PRKG1: variants seen among roughly 807,000 people sequenced by gnomAD.
The protein encoded by PRKG1 is protein kinase cGMP-dependent 1.
A neutral mutation model predicts 88.1 loss-of-function variants in PRKG1; 35 were observed. The ratio of observed to expected loss-of-function variants is 0.40; its 90% confidence interval spans 0.30 to 0.53. The LOEUF is 0.53. Among genes scored for constraint, PRKG1 ranks in the 20% least tolerant of loss-of-function variants. PRKG1 has a pLI of 0.59. For missense variants in PRKG1, 540 were observed against 839.8 expected (o/e 0.64, Z 4.41); for synonymous variants, 303 against 292.5 (o/e 1.04, Z -0.37).
chr10:51,073,259 G>T (rs1183354063), upstream of PRKG1, among the ~76,000 whole-genome samples: 1 of 152,096 alleles, frequency 6.6e-6, no homozygotes, highest in Non-Finnish European at 1.5e-5. Flanking sequence ...GGTAGAGGTG[G>T]GGGTGACTGC....
intron 2 of PRKG1, among the ~76,000 whole-genome samples, chr10:51,411,289 C>T (rs1480595459): frequency 2.6e-5 from 4 of 152,128 alleles, no homozygotes; most frequent in Non-Finnish European, 4.4e-5. Flanking sequence ...GCCTGAGCCA[C>T]GGCAAGTGGC....
intron 3 of PRKG1, chr10:51,695,393 T>A (rs1219178968): frequency 6.6e-6 from 1 of 152,164 alleles, no homozygotes; most frequent in African/African-American, 2.4e-5. Context: ...CCTTTTTCAT[T>A]AAAAACAAAA....
chr10:51,168,857 A>G (rs1397838339), intron 2 of PRKG1, among the ~76,000 whole-genome samples: 2 of 152,176 alleles, frequency 1.3e-5, no homozygotes, highest in African/African-American at 2.4e-5. Context: ...AGGCAAGTCA[A>G]TTCCATTGAA....
At chr10:51,955,747 G>T (rs1843287806) in intron 5 of PRKG1, among the ~76,000 whole-genome samples, 1 of 152,114 alleles carries the variant, frequency 6.6e-6, no homozygotes, top group Non-Finnish European at 1.5e-5. Context: ...GAATGACATA[G>T]AATTTGTTGG....
chr10:51,279,488 C>T (rs1314243869), intron 2 of PRKG1, among the ~76,000 whole-genome samples: 1 of 152,156 alleles, frequency 6.6e-6, no homozygotes, highest in African/African-American at 2.4e-5. Flanking sequence ...GTTAAAGTCT[C>T]CCATTATTAT....
At chr10:51,205,920 G>A (rs1838047116) in intron 2 of PRKG1, among the ~76,000 whole-genome samples, 1 of 152,030 alleles carries the variant, frequency 6.6e-6, no homozygotes, top group South Asian at 2.1e-4. Flanking sequence ...TACTTGTAAG[G>A]GTATACTAAG....
intron 4 of PRKG1, among the ~76,000 whole-genome samples, chr10:51,881,103 T>A (rs1841426854): frequency 6.6e-6 from 1 of 151,902 alleles, no homozygotes; most frequent in Non-Finnish European, 1.5e-5. Flanking sequence ...GCAGCATATG[T>A]GAAGATCCTG....
At chr10:52,093,577 T>C (rs1351787299) in intron 7 of PRKG1, among the ~76,000 whole-genome samples, 1 of 152,204 alleles carries the variant, frequency 6.6e-6, no homozygotes, top group Non-Finnish European at 1.5e-5. Context: ...TTGCCTCTAA[T>C]AATAGATGGA....
chr10:51,461,845 C>G (rs370293744), intron 2 of PRKG1, among the ~76,000 whole-genome samples: 1 of 152,166 alleles, frequency 6.6e-6, no homozygotes, highest in Non-Finnish European at 1.5e-5. Context: ...GGCTTTTCCC[C>G]GTAGGTTGCC....
chr10:52,244,003 C>G (rs1418769904), intron 9 of PRKG1, among the ~76,000 whole-genome samples: 1 of 152,024 alleles, frequency 6.6e-6, no homozygotes, highest in East Asian at 1.9e-4. Context: ...CTCAAATTCC[C>G]TGAAGAAGAG....
intron 2 of PRKG1, among the ~76,000 whole-genome samples, chr10:51,370,957 T>C (rs889578896): frequency 1.3e-5 from 2 of 152,248 alleles, no homozygotes; most frequent in South Asian, 2.1e-4. Context: ...TAATTTGTCC[T>C]ATAACTTTTT....
intron 1 of PRKG1, among the ~76,000 whole-genome samples, chr10:51,053,272 C>T (rs1218150420): frequency 6.6e-6 from 1 of 150,794 alleles, no homozygotes; most frequent in Admixed American, 6.6e-5. Context: ...AAACCATTTT[C>T]CACCGCCACC....
In PRKG1 at chr10:51,444,989, G is replaced by C. The variant is rs548522303; in HGVS notation, c.479-22734G>C. On this transcript the variant is annotated intron_variant, in intron 2 of 17. Coordinates refer to ENST00000373980, the MANE Select transcript of PRKG1 (RefSeq NM_006258.4). Reference sequence around the variant, plus strand: ...TCTTCACAGGGACAATGGTTAGAGAGTAAGAGGGATGTTACAGTGCTGTTC... The same window carrying C: ...TCTTCACAGGGACAATGGTTAGAGACTAAGAGGGATGTTACAGTGCTGTTC... Among the ~76,000 whole-genome samples, 179 of 152,052 alleles carry C rather than the reference G, an allele frequency of 1.2e-3. 3 individuals are homozygous for C. The Middle Eastern group carries it at 0.017, about 14-fold the overall frequency.
intron 3 of PRKG1, among the ~76,000 whole-genome samples, chr10:51,589,114 G>A (rs1564563340): frequency 6.6e-6 from 1 of 152,012 alleles, no homozygotes; most frequent in Non-Finnish European, 1.5e-5. Context: ...ATATTTTGTT[G>A]CTGAGTTGCT....
In PRKG1 at chr10:51,737,705, TTTTA is replaced by T. The variant is rs1009213697; in HGVS notation, c.593-66849_593-66846del. On this transcript the variant is annotated intron_variant, in intron 3 of 17. Coordinates refer to ENST00000373980, the MANE Select transcript of PRKG1 (RefSeq NM_006258.4). ...TGGTAGGGAGCCTAGGACTCTATAT[TTTTA>T]TTTATTTATTTATTTATTTATTTAT... Among the ~76,000 whole-genome samples the T allele has an allele frequency of 4.1e-4, 60 of 144,890 alleles. 1 individual carries two copies. Among genetic ancestry groups the T allele is most frequent in the Middle Eastern group, 3.5e-3 (1 of 282 alleles).
chr10:51,670,544 G>A (rs1053685110), intron 3 of PRKG1, among the ~76,000 whole-genome samples: 3 of 149,838 alleles, frequency 2.0e-5, no homozygotes, highest in South Asian at 4.2e-4. Flanking sequence ...AGACCATCCC[G>A]GCTAAAACGG....
intron 3 of PRKG1, among the ~76,000 whole-genome samples, chr10:51,692,522 C>T (rs755869057): frequency 7.9e-5 from 12 of 152,088 alleles, no homozygotes; most frequent in Non-Finnish European, 1.3e-4. Flanking sequence ...GGATTACAGG[C>T]ATGAGCCACC....
intron 2 of PRKG1, among the ~76,000 whole-genome samples, chr10:51,194,893 A>T (rs1164110512): frequency 1.3e-5 from 2 of 152,172 alleles, no homozygotes; most frequent in Non-Finnish European, 2.9e-5. Flanking sequence ...CTCTGGTGAC[A>T]ATGAAATCAC....
At chr10:51,070,020 T>C (rs545936513), upstream of PRKG1, among the ~76,000 whole-genome samples, 26 of 152,204 alleles carry the variant, frequency 1.7e-4, no homozygotes, top group South Asian at 5.2e-3. Flanking sequence ...TCCAAATTTG[T>C]CCTCTTCACC....
Sources: allele counts gnomAD v4.1 joint callset (sites outside exome capture counted in the v4.1 genomes callset), GRCh38; gene constraint gnomAD v4.1.1; transcripts MANE v1.5; gene names NCBI Gene and HGNC (gene_info 2026-07-23, HGNC 2026-07-21).